The following HEMK2 variants were observed in gnomAD, a reference collection of about 807,000 sequenced individuals.
HEMK2 encodes the protein HemK methyltransferase 2, ETF1 glutamine and histone H4 lysine, also known as methyltransferase HEMK2.
the HEMK2 span, among the ~76,000 whole-genome samples, chr21:28,606,372 G>C: frequency 6.6e-6 from 1 of 152,146 alleles, no homozygotes; most frequent in Non-Finnish European, 1.5e-5. Context: ...AATTATGTTT[G>C]CCCATGAGCT....
chr21:28,830,642 C>A, the HEMK2 span, among the ~76,000 whole-genome samples: 1 of 152,090 alleles, frequency 6.6e-6, no homozygotes, highest in Non-Finnish European at 1.5e-5. Flanking sequence ...CTTTGGGAGA[C>A]CAAGGTGGGC....
At chr21:28,639,151 C>T in the HEMK2 span, among the ~76,000 whole-genome samples, 1 of 152,040 alleles carries the variant, frequency 6.6e-6, no homozygotes, top group African/African-American at 2.4e-5. Context: ...GAAAAGGAAA[C>T]CAAGTTAAGA....
the HEMK2 span, among the ~76,000 whole-genome samples, chr21:28,821,195 G>A: frequency 1.3e-5 from 2 of 151,712 alleles, no homozygotes; most frequent in East Asian, 1.9e-4. Flanking sequence ...ACCCGACCCC[G>A]GCCCCCTCCA....
the HEMK2 span, among the ~76,000 whole-genome samples, chr21:28,592,347 G>A: frequency 6.6e-6 from 1 of 152,192 alleles, no homozygotes; most frequent in Non-Finnish European, 1.5e-5. Context: ...TAGTTGTGCA[G>A]TCATTGACCA....
At chr21:28,582,045 C>T in the HEMK2 span, among the ~76,000 whole-genome samples, 1 of 152,138 alleles carries the variant, frequency 6.6e-6, no homozygotes, top group Non-Finnish European at 1.5e-5. Flanking sequence ...ATATTATAAC[C>T]AGCAGAGTGT....
chr21:28,655,433 A>G, the HEMK2 span, among the ~76,000 whole-genome samples: 16 of 152,224 alleles, frequency 1.1e-4, no homozygotes, highest in Admixed American at 3.3e-4. Context: ...TTAAAAATCC[A>G]TTTGAATTCA....
chr21:28,727,084 G>A, the HEMK2 span, among the ~76,000 whole-genome samples: 1 of 152,032 alleles, frequency 6.6e-6, no homozygotes, highest in Non-Finnish European at 1.5e-5. Context: ...GTAGGAACAT[G>A]AAAAGGGCAA....
At chr21:28,614,685 A>G in the HEMK2 span, among the ~76,000 whole-genome samples, 1 of 152,208 alleles carries the variant, frequency 6.6e-6, no homozygotes, top group African/African-American at 2.4e-5. Context: ...CTGACATATG[A>G]ACCACTAGAA....
At chr21:28,811,807 G>A in the HEMK2 span, among the ~76,000 whole-genome samples, 1 of 152,200 alleles carries the variant, frequency 6.6e-6, no homozygotes, top group Non-Finnish European at 1.5e-5. Context: ...AAATGGAACG[G>A]TAAGATGGAG....
the HEMK2 span, among the ~76,000 whole-genome samples, chr21:28,880,551 T>C: frequency 2.8e-4 from 43 of 152,104 alleles, no homozygotes; most frequent in East Asian, 7.0e-3. Context: ...CGCCAACCCA[T>C]GGCCAACATG....
chr21:28,756,764 A>T, the HEMK2 span, among the ~76,000 whole-genome samples: 1 of 152,220 alleles, frequency 6.6e-6, no homozygotes, highest in Non-Finnish European at 1.5e-5. Context: ...GAATTTTTAC[A>T]TTTTGACATG....
chr21:28,835,930 C>A, the HEMK2 span, among the ~76,000 whole-genome samples: 1 of 148,602 alleles, frequency 6.7e-6, no homozygotes. Flanking sequence ...CCCAGTCCAA[C>A]AAAGACAAAG....
chr21:28,825,579 C>T, the HEMK2 span, among the ~76,000 whole-genome samples: 1 of 152,240 alleles, frequency 6.6e-6, no homozygotes, highest in Middle Eastern at 3.4e-3. Flanking sequence ...AACAGGAGCT[C>T]CATCTTAAAG....
At chr21:28,879,864 T>C in the HEMK2 span, 1 of 1,553,742 alleles carries the variant, frequency 6.4e-7, no homozygotes, top group Non-Finnish European at 8.7e-7. Flanking sequence ...TTGTTGTATG[T>C]TTTACCTCTT....
the HEMK2 span, among the ~76,000 whole-genome samples, chr21:28,580,123 C>T: frequency 6.6e-6 from 1 of 152,134 alleles, no homozygotes; most frequent in Non-Finnish European, 1.5e-5. Flanking sequence ...ATAGGTGACT[C>T]GGCTTCTACC....
the HEMK2 span, among the ~76,000 whole-genome samples, chr21:28,601,480 G>A: frequency 6.6e-6 from 1 of 152,054 alleles, no homozygotes; most frequent in African/African-American, 2.4e-5. Flanking sequence ...TCCTCCAGTC[G>A]AGACTTTCTC....
At chr21:28,818,826 A>T in the HEMK2 span, among the ~76,000 whole-genome samples, 1 of 152,194 alleles carries the variant, frequency 6.6e-6, no homozygotes, top group African/African-American at 2.4e-5. Flanking sequence ...GGCCTCCCCA[A>T]ATCATGTCGG....
the HEMK2 span, among the ~76,000 whole-genome samples, chr21:28,869,879 T>C: frequency 1.3e-5 from 2 of 152,166 alleles, no homozygotes; most frequent in South Asian, 2.1e-4. Flanking sequence ...CCAGTTCACA[T>C]GAATTTAAAA....
chr21:28,582,520 A>G, the HEMK2 span, among the ~76,000 whole-genome samples: 2 of 152,166 alleles, frequency 1.3e-5, no homozygotes, highest in Non-Finnish European at 2.9e-5. Context: ...CAGAGGAGTC[A>G]CCCTCTAAAG....
Sources: gnomAD v4.1 joint callset for allele counts (sites outside exome capture counted in the v4.1 genomes callset) on GRCh38, gnomAD v4.1.1 for gene constraint, MANE v1.5 for transcripts, NCBI Gene and HGNC (gene_info 2026-07-23, HGNC 2026-07-21) for gene names.